The following ABCG4 variants were observed in gnomAD, a reference collection of about 807,000 sequenced individuals.
The protein encoded by ABCG4 is ATP binding cassette subfamily G member 4.
A neutral mutation model predicts 64.6 loss-of-function variants in ABCG4; 35 were observed. The observed-to-expected ratio is 0.54, with a 90% CI of 0.41 to 0.72. The LOEUF (loss-of-function observed/expected upper bound fraction) is 0.72. Ranked by LOEUF, ABCG4 falls within the 30% of genes least tolerant of loss-of-function variation. ABCG4 has a pLI of 0.00. For missense variants in ABCG4, 610 were observed against 846.3 expected, an observed-to-expected ratio of 0.72 and a Z score of 3.46; for synonymous variants, 326 against 348.2, an observed-to-expected ratio of 0.94 and a Z score of 0.71.
rs1948182400 is a variant in ABCG4 at position 119,150,512 on chromosome 11, G to A, written c.238+309G>A. Among the ~76,000 whole-genome samples the A allele has an allele frequency of 6.6e-6, 1 of 152,160 alleles. No individual in the cohort carries two copies. On this transcript the variant is annotated intron_variant, in intron 2 of 14. Transcript: ENST00000619701. This position sits in a 1 kb window ranked among gnomAD's most constrained non-coding sequence, Gnocchi z 4.3. ...AGTTTTCCTTCTTTTGTTTATGGAG[G>A]ATTCCTACCTGTGAGGGCTGGTATG...
chr11:119,156,686 G>T lies in ABCG4; in HGVS notation c.925+8G>T. The T allele has an allele frequency of 6.2e-7, 1 of 1,613,856 alleles. No homozygotes were observed. Among genetic ancestry groups the T allele is most frequent in the Non-Finnish European group, 8.5e-7 (1 of 1,179,756 alleles). ...ACAACCCGGCTGACTTCAGTGAGTG[G>T]GGGTCTGTTGGTAGGGGCTGGGAAA... On this transcript the variant is annotated splice_region_variant and intron_variant, in intron 8 of 14. Transcript: ENST00000619701. This position sits in a 1 kb window ranked among gnomAD's most constrained non-coding sequence, Gnocchi z 5.5.
chr11:119,162,650 A>G lies in ABCG4; in HGVS notation c.*1544A>G, dbSNP rs1259995991. ...TTATTAATAAAACCTATATTTATAC[A>G]GTATGCAATGTGTAAATGTGTGTGG... On this transcript the variant is annotated 3_prime_UTR_variant, in exon 15 of 15. Coordinates refer to ENST00000619701, the MANE Select transcript of ABCG4 (RefSeq NM_022169.5). 2.0e-5 allele frequency: 3 copies of G among 152,246 alleles called. No homozygotes were observed. Among genetic ancestry groups the G allele is most frequent in the Admixed American group, 2.0e-4 (3 of 15,284 alleles). 9.4% of individuals were successfully genotyped at this position (152,246 alleles called of 1,614,324 possible). A position where few individuals can be genotyped will look rare whatever the true frequency, so the allele number is the denominator to read the frequency against.
rs115166074 is a variant in ABCG4 at position 119,151,194 on chromosome 11, C to G, written c.238+991C>G. ...TCCTGAGACCAGCTCTGGGCAAAAT[C>G]ATGAGGCAGTTGTTATTTCTTTAGC... On this transcript the variant is annotated intron_variant, in intron 2 of 14. Coordinates refer to ENST00000619701, the MANE Select transcript of ABCG4 (RefSeq NM_022169.5). 9.6e-3 allele frequency among the ~76,000 whole-genome samples: 1,460 copies of G among 152,340 alleles called. 21 individuals carry two copies. Among genetic ancestry groups the G allele is most frequent in the African/African-American group, 0.033 (1,357 of 41,574 alleles).
rs771772540 is a variant in ABCG4, at chr11:119,161,073, T to C, written c.1908T>C (p.Leu636=). ...TAGCCCTGCGGCTGCTGGCCTACCT[T>C]GTGCTGCGTTACCGGGTCAAGTCAG... ...FFLALRLLAY[L]VLRYRVKSER The change falls in exon 15 of 15, where the codon CTT becomes CTC. Residue 636 remains leucine (L), a synonymous_variant. Transcript: ENST00000619701. 2 of 1,613,768 alleles carry C rather than the reference T, an allele frequency of 1.2e-6. No homozygotes were observed. Among genetic ancestry groups the C allele is most frequent in the African/African-American group, 1.3e-5 (1 of 74,886 alleles).
rs1425994328 is a variant in ABCG4, at chr11:119,150,012, G to A, written c.47G>A (p.Gly16Glu). 1 of 1,612,290 alleles carries A rather than the reference G, an allele frequency of 6.2e-7. No homozygotes were observed. Among genetic ancestry groups the A allele is most frequent in the East Asian group, 2.2e-5 (1 of 44,870 alleles). ...GCCGTGGGCTGTGGACTAGGGCCGG[G>A]GGCTGTGGCCATGGCCGTGACGCTG... ...LEAVGCGLGP[G>E]AVAMAVTLED... The change falls in exon 2 of 15, where the codon GGG becomes GAG. Residue 16 changes from glycine to glutamate, a missense_variant. Gly to Glu is a moderately conservative substitution (Grantham distance 98, BLOSUM62 -2). Transcript: ENST00000619701. The surrounding 1 kb of genome is among the most constrained non-coding windows in gnomAD (Gnocchi z 4.3).
Position 119,161,139 on chromosome 11 carries a change from A to G in ABCG4, c.*33A>G. On this transcript the variant is annotated 3_prime_UTR_variant, in exon 15 of 15. Coordinates refer to ENST00000619701, the MANE Select transcript of ABCG4 (RefSeq NM_022169.5). ...CCCCAGCCTGTACCCCAGCCCCTGCAGCAGGAAGCCCCCAGTCCCAGCCCT... is the reference window on the plus strand; with the variant it reads ...CCCCAGCCTGTACCCCAGCCCCTGCGGCAGGAAGCCCCCAGTCCCAGCCCT... The G allele has an allele frequency of 6.3e-7, 1 of 1,592,348 alleles. No individual in the cohort carries two copies.
chr11:119,160,678 G>A lies in ABCG4; in HGVS notation c.1715+22G>A, dbSNP rs368575140. On this transcript the variant is annotated intron_variant, in intron 14 of 14. Coordinates refer to ENST00000619701, the MANE Select transcript of ABCG4 (RefSeq NM_022169.5). This position sits in a 1 kb window ranked among gnomAD's most constrained non-coding sequence, Gnocchi z 4.6. ...TCAGGTCAGTACCCCTGCCCTCCTC[G>A]TTGGCCTCTGCTCCTCCCTGGAGGA... The A allele has an allele frequency of 1.3e-5, 21 of 1,603,082 alleles. No individual in the cohort carries two copies. The highest frequency in any genetic ancestry group is 4.0e-5 in the African/African-American group (3 of 74,650).
At position 119,154,364 on chromosome 11, in the gene ABCG4, C is replaced by T. The variant is rs201626266; in HGVS notation, c.461C>T (p.Pro154Leu). The T allele has an allele frequency of 9.3e-6, 15 of 1,614,036 alleles. No individual in the cohort carries two copies. The highest frequency in any genetic ancestry group is 3.3e-5 in the South Asian group (3 of 91,078). ...ATCATGCAAGATGACATGCTGCTGC[C>T]GCACCTCACGGTGTTGGAAGCCATG... ...CYIMQDDMLLPHLTVLEAMMV... is the reference protein window; with the variant it reads ...CYIMQDDMLLLHLTVLEAMMV... Residue 154 changes from proline to leucine, a missense_variant, in exon 4 of 15, where the codon CCG (proline) becomes CTG (leucine). By Grantham distance (98) the Pro-to-Leu change is moderately conservative. Transcript: ENST00000619701. The surrounding 1 kb of genome is among the most constrained non-coding windows in gnomAD (Gnocchi z 7.0).
chr11:119,156,688 G>T lies in ABCG4; in HGVS notation c.925+10G>T. 1 of 1,613,708 alleles carries T rather than the reference G, an allele frequency of 6.2e-7. No homozygotes were observed. The highest frequency in any genetic ancestry group is 8.5e-7 in the Non-Finnish European group (1 of 1,179,650). On this transcript the variant is annotated intron_variant, in intron 8 of 14. Transcript: ENST00000619701. This position sits in a 1 kb window ranked among gnomAD's most constrained non-coding sequence, Gnocchi z 5.5. ...AACCCGGCTGACTTCAGTGAGTGGGGGTCTGTTGGTAGGGGCTGGGAAACA... is the reference window on the plus strand; with the variant it reads ...AACCCGGCTGACTTCAGTGAGTGGGTGTCTGTTGGTAGGGGCTGGGAAACA...
At position 119,158,816 on chromosome 11, in the gene ABCG4, C is replaced by G. The variant is rs367961802; in HGVS notation, c.1337-13C>G. The G allele has an allele frequency of 3.8e-4, 613 of 1,613,974 alleles. No homozygotes were observed. The highest frequency in any genetic ancestry group is 6.6e-4 in the Middle Eastern group (4 of 6,084). ...GTGTCGGCCGGGTGTGCCTAAGCAGCCTGTGTCCTCAGTCCCCTTAGAGAT... is the reference window on the plus strand; with the variant it reads ...GTGTCGGCCGGGTGTGCCTAAGCAGGCTGTGTCCTCAGTCCCCTTAGAGAT... On this transcript the variant is annotated splice_polypyrimidine_tract_variant and intron_variant, in intron 11 of 14. Transcript: ENST00000619701. This position sits in a 1 kb window ranked among gnomAD's most constrained non-coding sequence, Gnocchi z 4.5.
chr11:119,157,815 G>A (rs1489573086), intron 9 of ABCG4, among the ~76,000 whole-genome samples: 2 of 152,260 alleles, frequency 1.3e-5, no homozygotes, highest in East Asian at 3.9e-4. Flanking sequence ...GCAGTGAGCT[G>A]AGATTGCGCC....
In ABCG4 at chr11:119,160,541, G is replaced by T. The variant is rs749795833; in HGVS notation, c.1600G>T (p.Ala534Ser). Residue 534 changes from alanine (A) to serine (S), a missense_variant, in exon 14 of 15, where the codon GCC becomes TCC. Ala to Ser is a moderately conservative substitution (Grantham distance 99). Coordinates refer to ENST00000619701, the MANE Select transcript of ABCG4 (RefSeq NM_022169.5). The surrounding 1 kb of genome is among the most constrained non-coding windows in gnomAD (Gnocchi z 4.6). ...GGCCCCCTCCCTTCCCCTCTAGGTG[G>T]CCACTTTTGTGGGCCCAGTTACCGC... is the stretch of plus-strand genomic sequence containing the variant. Reference protein sequence around the residue: ...IGAASNSLQVATFVGPVTAIP... With the variant: ...IGAASNSLQVSTFVGPVTAIP... 1 of 1,610,262 alleles carries T rather than the reference G, an allele frequency of 6.2e-7. No individual in the cohort carries two copies. The highest frequency in any genetic ancestry group is 8.5e-7 in the Non-Finnish European group (1 of 1,179,868).
At chr11:119,157,663 G>GGAGACCGTCCTGGCTAACACGGTGA (rs1948283087) in intron 9 of ABCG4, among the ~76,000 whole-genome samples, 3 of 151,872 alleles carry the variant, frequency 2.0e-5, no homozygotes, top group Non-Finnish European at 2.9e-5. Context: ...GTCAGGAGAT[G>GGAGACCGTCCTGGCTAACACGGTGA]GAGACCATCC....
rs1283939532 is a variant in ABCG4 at position 119,158,257 on chromosome 11, C to T, written c.1092C>T (p.His364=). 2 of 1,597,068 alleles carry T rather than the reference C, an allele frequency of 1.3e-6. No individual in the cohort carries two copies. The highest frequency in any genetic ancestry group is 2.7e-5 in the African/African-American group (2 of 74,592). ...AGGAAGTGGATCCCATTGAAAGCCA[C>T]ACCTTTGCCACCAGCACCCTCACAC... is the stretch of plus-strand genomic sequence containing the variant. ...CPPEVDPIES[H]TFATSTLTQF... is the part of the protein sequence containing the mutation. Residue 364 remains histidine, a synonymous_variant, in exon 10 of 15, where the codon CAC becomes CAT. Transcript: ENST00000619701. This position sits in a 1 kb window ranked among gnomAD's most constrained non-coding sequence, Gnocchi z 4.5.
chr11:119,157,158 AC>A, intron 9 of ABCG4, 144 bp downstream of exon 9: 1 of 1,124,158 alleles, frequency 8.9e-7, no homozygotes, highest in South Asian at 1.6e-5. Flanking sequence ...GAATCGACCT[AC>A]TAGGAACAGC....
intron 2 of ABCG4, among the ~76,000 whole-genome samples, chr11:119,151,954 C>G (rs995666408): frequency 1.3e-5 from 2 of 152,178 alleles, no homozygotes; most frequent in Admixed American, 6.5e-5. Context: ...AATACACAGA[C>G]TTGTGTGAAG....
rs1948155420 is a variant in ABCG4, at chr11:119,149,193, T to TCCTGCCTCGCCTGCCCCGCCCC, written c.-182_-161dup. On this transcript the variant is annotated 5_prime_UTR_variant, in exon 1 of 15. Coordinates refer to ENST00000619701, the MANE Select transcript of ABCG4 (RefSeq NM_022169.5). The surrounding 1 kb of genome is among the most constrained non-coding windows in gnomAD (Gnocchi z 8.3). Reference sequence around the variant, plus strand: ...TCTCCTCCGAGCCGAGGGCCGGCCCTCCTGCCTCGCCTGCCCCGCCCCGGC... The same window carrying TCCTGCCTCGCCTGCCCCGCCCC: ...TCTCCTCCGAGCCGAGGGCCGGCCCTCCTGCCTCGCCTGCCCCGCCCCCCTGCCTCGCCTGCCCCGCCCCGGC... The TCCTGCCTCGCCTGCCCCGCCCC allele has an allele frequency of 1.3e-5, 2 of 151,534 alleles. No individual in the cohort carries two copies. Among genetic ancestry groups the TCCTGCCTCGCCTGCCCCGCCCC allele is most frequent in the Admixed American group, 1.3e-4 (2 of 15,240 alleles). The allele number at this position is 151,534 out of a possible 1,614,324, so 9.4% of individuals were successfully genotyped here.
In ABCG4 at chr11:119,149,778, G is replaced by A; in HGVS notation, c.-12-176G>A. The A allele has an allele frequency of 9.5e-7, 1 of 1,054,020 alleles. No homozygotes were observed. Among genetic ancestry groups the A allele is most frequent in the Non-Finnish European group, 1.3e-6 (1 of 750,794 alleles). The allele number at this position is 1,054,020 out of a possible 1,614,324, so 65.3% of individuals were successfully genotyped here. A position where few individuals can be genotyped will look rare whatever the true frequency, so the allele number is the denominator to read the frequency against. On this transcript the variant is annotated intron_variant, in intron 1 of 14. Coordinates refer to ENST00000619701, the MANE Select transcript of ABCG4 (RefSeq NM_022169.5). The surrounding 1 kb of genome is among the most constrained non-coding windows in gnomAD (Gnocchi z 8.3). Reference sequence around the variant, plus strand: ...GGTCAGGCTGGAGCTGGGCTGCCCGGGACTGAGCGTCTCCGTGCGGAGAGT... The same window carrying A: ...GGTCAGGCTGGAGCTGGGCTGCCCGAGACTGAGCGTCTCCGTGCGGAGAGT...
rs917037146 is a variant in ABCG4, at chr11:119,150,608, C to T, written c.238+405C>T. On this transcript the variant is annotated intron_variant, in intron 2 of 14. Coordinates refer to ENST00000619701, the MANE Select transcript of ABCG4 (RefSeq NM_022169.5). The surrounding 1 kb of genome is among the most constrained non-coding windows in gnomAD (Gnocchi z 4.3). ...CCTAATTATAAAGACGTTCTCATTC[C>T]TGTCATCTTATTCCATTCTTACCAC... Among the ~76,000 whole-genome samples the T allele has an allele frequency of 1.8e-4, 28 of 152,180 alleles. No homozygotes were observed. The highest frequency in any genetic ancestry group is 6.8e-4 in the African/African-American group (28 of 41,428).
Sources: allele counts gnomAD v4.1 joint callset (sites outside exome capture counted in the v4.1 genomes callset), GRCh38; gene constraint gnomAD v4.1.1; non-coding constraint Gnocchi (gnomAD v3.1); transcripts MANE v1.5; gene names NCBI Gene and HGNC (gene_info 2026-07-23, HGNC 2026-07-21).